Variants in MAMLD1 observed in about 807,000 individuals in gnomAD.
MAMLD1 encodes mastermind like domain containing 1.
A neutral mutation model predicts 45.0 loss-of-function variants in MAMLD1; 14 were observed. That is an observed-to-expected ratio of 0.31 (90% CI 0.21 to 0.49). The LOEUF (loss-of-function observed/expected upper bound fraction) is 0.49, where lower values mean the gene tolerates loss of function less well. Among genes scored for constraint, MAMLD1 ranks in the 20% least tolerant of loss-of-function variants. The probability of loss-of-function intolerance (pLI) is 0.99; values close to 1 mark genes in which losing one functional copy is unlikely to be tolerated. For missense variants in MAMLD1, 543 were observed against 603.6 expected, an observed-to-expected ratio of 0.90 and a Z score of 1.05; for synonymous variants, 254 against 247.8, an observed-to-expected ratio of 1.02 and a Z score of -0.24.
intron 5 of MAMLD1, among the ~76,000 whole-genome samples, chrX:150,500,077 G>A (rs1361977184): frequency 8.9e-6 from 1 of 112,448 alleles, no homozygotes; most frequent in Non-Finnish European, 1.9e-5. Context: ...GCTAGATACT[G>A]TCGGGGCACC....
rs782516963 is a variant in MAMLD1 at position 150,381,765 on chromosome X, C to T, written c.-64+18235C>T. ...GTCATATTAATTTGCATTTCCCTAA[C>T]GCCTAATGAGATTGAACATATTTTC... is the stretch of plus-strand genomic sequence containing the variant. On this transcript the variant is annotated intron_variant, in intron 1 of 7. Coordinates refer to ENST00000370401, the MANE Select transcript of MAMLD1 (RefSeq NM_005491.5). Among the ~76,000 whole-genome samples, 6 of 112,096 alleles carry T rather than the reference C, an allele frequency of 5.4e-5. No individual in the cohort carries two copies. In the South Asian group the frequency reaches 1.5e-3, roughly 28 times the overall value.
At chrX:150,390,140 A>G (rs2033114167) in intron 1 of MAMLD1, among the ~76,000 whole-genome samples, 2 of 111,334 alleles carry the variant, frequency 1.8e-5, no homozygotes, top group Admixed American at 1.9e-4. Context: ...ATCGTTGCTC[A>G]CTGTGTCCTC....
chrX:150,463,106 A>G (rs782748666), intron 3 of MAMLD1, among the ~76,000 whole-genome samples: 8 of 112,470 alleles, frequency 7.1e-5, no homozygotes, highest in African/African-American at 2.6e-4. Context: ...AATGTAGATT[A>G]AGCTTGTGAA....
chrX:150,375,741 G>A (rs1247199926), intron 1 of MAMLD1, among the ~76,000 whole-genome samples: 3 of 80,308 alleles, frequency 3.7e-5, no homozygotes, highest in African/African-American at 6.0e-5. Context: ...ACTACGCAGA[G>A]TGGCTCCCAT....
At chrX:150,511,801 CT>C (rs1384018325) in intron 7 of MAMLD1, among the ~76,000 whole-genome samples, 61 of 112,045 alleles carry the variant, frequency 5.4e-4, no homozygotes, top group African/African-American at 2.0e-3. Context: ...GTTGGGGCAG[CT>C]TCCCAGAAGA....
At chrX:150,449,870 G>A (rs141206136) in intron 2 of MAMLD1, among the ~76,000 whole-genome samples, 120 of 111,585 alleles carry the variant, frequency 1.1e-3, no homozygotes, top group African/African-American at 3.5e-3. Context: ...GTGTTTGAGC[G>A]TCTCTCTTGT....
At chrX:150,488,633 T>G (rs1246079663) in intron 5 of MAMLD1, among the ~76,000 whole-genome samples, 1 of 113,063 alleles carries the variant, frequency 8.8e-6, no homozygotes. Flanking sequence ...ATATCCCACA[T>G]ATATTGAATT....
At chrX:150,474,077 G>A (rs2036511720) in intron 5 of MAMLD1, among the ~76,000 whole-genome samples, 1 of 112,310 alleles carries the variant, frequency 8.9e-6, no homozygotes, top group South Asian at 3.8e-4. Context: ...AAATGCTATT[G>A]CCACCAAGAG....
At chrX:150,413,092 G>A (rs2034163618) in intron 1 of MAMLD1, among the ~76,000 whole-genome samples, 1 of 111,227 alleles carries the variant, frequency 9.0e-6, no homozygotes, top group Non-Finnish European at 1.9e-5. Context: ...GCTACCTGAG[G>A]CATTGCAAAC....
intron 1 of MAMLD1, among the ~76,000 whole-genome samples, chrX:150,412,494 G>A (rs2034147966): frequency 9.0e-6 from 1 of 110,714 alleles, no homozygotes; most frequent in African/African-American, 3.3e-5. Flanking sequence ...CCTTTTAGGT[G>A]CTTCTTGCCA....
chrX:150,464,362 A>G lies in MAMLD1; in HGVS notation c.171+1516A>G, dbSNP rs151144092. On this transcript the variant is annotated intron_variant, in intron 3 of 7. Coordinates refer to ENST00000370401, the MANE Select transcript of MAMLD1 (RefSeq NM_005491.5). The stretch of plus-strand genomic sequence containing the variant: ...TAACTGACTCCTCTTGAAGCCAATC[A>G]GCATTAGCATTCAGGGTTCCCTGCC... 3.0e-3 allele frequency among the ~76,000 whole-genome samples: 340 copies of G among 112,095 alleles called. 1 individual carries two copies. The highest frequency in any genetic ancestry group is 0.011 in the African/African-American group (324 of 30,822).
chrX:150,372,241 T>A (rs2032050479), intron 1 of MAMLD1, among the ~76,000 whole-genome samples: 1 of 112,110 alleles, frequency 8.9e-6, no homozygotes, highest in Non-Finnish European at 1.9e-5. Flanking sequence ...GAATGGAGAT[T>A]GTAAATTAAG....
rs185564160 is a variant in MAMLD1 at position 150,478,950 on chromosome X, T to C, written c.2040+5148T>C. Among the ~76,000 whole-genome samples, 191 of 112,309 alleles carry C rather than the reference T, an allele frequency of 1.7e-3. 1 individual carries two copies. The highest frequency in any genetic ancestry group is 0.017 in the Admixed American group (179 of 10,679). On this transcript the variant is annotated intron_variant, in intron 5 of 7. Coordinates refer to ENST00000370401, the MANE Select transcript of MAMLD1 (RefSeq NM_005491.5). ...GAAAATTCGGGGACCGATATCTCAG[T>C]GTTGAAAATGTTTTGTTTTAACCTC...
intron 2 of MAMLD1, among the ~76,000 whole-genome samples, chrX:150,455,838 A>G (rs188602959): frequency 1.9e-5 from 2 of 106,548 alleles, no homozygotes; most frequent in East Asian, 5.9e-4. Flanking sequence ...TATAGTGTGC[A>G]AGGAGTGTGT....
At chrX:150,448,532 C>A (rs1272237793) in intron 2 of MAMLD1, among the ~76,000 whole-genome samples, 3 of 112,232 alleles carry the variant, frequency 2.7e-5, no homozygotes, top group African/African-American at 9.7e-5. Flanking sequence ...ATGCAAGTAC[C>A]TTTTCAGCAT....
chrX:150,436,719 TCATTTCAGC>T (rs1249423154), intron 1 of MAMLD1, among the ~76,000 whole-genome samples: 7 of 111,702 alleles, frequency 6.3e-5, no homozygotes, highest in Non-Finnish European at 1.1e-4. Flanking sequence ...TCTATTTCTG[TCATTTCAGC>T]CATTTCAGCC....
chrX:150,424,340 G>A (rs1171217563), intron 1 of MAMLD1, among the ~76,000 whole-genome samples: 1 of 112,372 alleles, frequency 8.9e-6, no homozygotes, highest in Non-Finnish European at 1.9e-5. Flanking sequence ...TGAGAGGGGG[G>A]CATTTTTAAC....
intron 5 of MAMLD1, among the ~76,000 whole-genome samples, chrX:150,492,489 C>CCTTCT (rs1188984800): frequency 8.9e-6 from 1 of 112,666 alleles, no homozygotes; most frequent in East Asian, 2.8e-4. Flanking sequence ...TGCCTTCCAT[C>CCTTCT]CTTCTCTTCT....
At chrX:150,401,386 G>C (rs1271338926) in intron 1 of MAMLD1, among the ~76,000 whole-genome samples, 1 of 101,180 alleles carries the variant, frequency 9.9e-6, no homozygotes, top group Non-Finnish European at 2.0e-5. Context: ...CCTCTTCAAG[G>C]AGAACTACAA....
Sources: gnomAD v4.1 joint callset for allele counts (sites outside exome capture counted in the v4.1 genomes callset) on GRCh38, gnomAD v4.1.1 for gene constraint, MANE v1.5 for transcripts, NCBI Gene and HGNC (gene_info 2026-07-23, HGNC 2026-07-21) for gene names.